NR6A1: variants seen among roughly 807,000 people sequenced by gnomAD.
NR6A1 encodes the protein retinoic acid receptor-related testis-associated receptor.
A neutral mutation model predicts 59.1 loss-of-function variants in NR6A1; 7 were observed. That is an observed-to-expected ratio of 0.12 (90% confidence interval 0.07 to 0.22). The LOEUF (loss-of-function observed/expected upper bound fraction) is 0.22. NR6A1 is among the 10% of genes least tolerant of loss of function. NR6A1 has a pLI of 1.00. For missense variants in NR6A1, 468 were observed against 611.6 expected, an observed-to-expected ratio of 0.77 and a Z score of 2.48; for synonymous variants, 243 against 236.1, an observed-to-expected ratio of 1.03 and a Z score of -0.27.
In NR6A1 at chr9:124,771,158, G is replaced by A; in HGVS notation, c.-39C>T. On this transcript the variant is annotated 5_prime_UTR_variant, in exon 1 of 10. Coordinates refer to ENST00000487099, the MANE Select transcript of NR6A1 (RefSeq NM_033334.4). ...GGGTCCGCGCCGGGTTTGTTGCTCC[G>A]CCATGACCGGCGCCCTAGTCGCCGT... is the stretch of plus-strand genomic sequence containing the variant. 9.1e-7 allele frequency: 1 copy of A among 1,103,478 alleles called. No homozygotes were observed. The highest frequency in any genetic ancestry group is 1.1e-6 in the Non-Finnish European group (1 of 870,592). 68.4% of individuals were successfully genotyped at this position (1,103,478 alleles called of 1,614,324 possible). A position where few individuals can be genotyped will look rare whatever the true frequency, so the allele number is the denominator to read the frequency against.
intron 2 of NR6A1, among the ~76,000 whole-genome samples, chr9:124,640,103 C>T (rs529742617): frequency 5.9e-5 from 9 of 152,236 alleles, no homozygotes; most frequent in South Asian, 2.1e-4. Flanking sequence ...ACATCCATGG[C>T]GTCCTAGGGT....
chr9:124,529,816 C>G (rs1833045496), intron 7 of NR6A1, among the ~76,000 whole-genome samples: 1 of 152,068 alleles, frequency 6.6e-6, no homozygotes, highest in African/African-American at 2.4e-5. Flanking sequence ...GAGTGAAGAC[C>G]ACTCCTCATC....
chr9:124,535,437 G>T (rs1201471275), intron 7 of NR6A1, among the ~76,000 whole-genome samples: 2 of 151,982 alleles, frequency 1.3e-5, no homozygotes, highest in African/African-American at 4.8e-5. Context: ...AATTAGCCAG[G>T]TGTGGTGGCA....
At chr9:124,551,047 C>CA (rs1010927854) in intron 3 of NR6A1, among the ~76,000 whole-genome samples, 15 of 152,104 alleles carry the variant, frequency 9.9e-5, no homozygotes, top group Admixed American at 3.9e-4. Flanking sequence ...TGCTTCCTTT[C>CA]TTTTTTTAGA....
intron 2 of NR6A1, among the ~76,000 whole-genome samples, chr9:124,557,575 C>T (rs946801447): frequency 6.6e-6 from 1 of 152,082 alleles, no homozygotes; most frequent in Non-Finnish European, 1.5e-5. Flanking sequence ...TTTTATTTTC[C>T]TTTTGAAAAC....
chr9:124,694,934 T>G (rs1838694801), intron 2 of NR6A1, among the ~76,000 whole-genome samples: 1 of 152,216 alleles, frequency 6.6e-6, no homozygotes, highest in East Asian at 1.9e-4. Context: ...TTCAAGCCAG[T>G]GTTTCCCAAA....
At chr9:124,765,407 T>C (rs1301441434) in intron 1 of NR6A1, among the ~76,000 whole-genome samples, 1 of 152,234 alleles carries the variant, frequency 6.6e-6, no homozygotes, top group Non-Finnish European at 1.5e-5. Context: ...CCAGGAATTT[T>C]CTATTTAGAC....
In NR6A1 at chr9:124,536,075, C is replaced by A; in HGVS notation, c.882G>T (p.Leu294=). 6 of 1,614,182 alleles carry A rather than the reference C, an allele frequency of 3.7e-6. No individual in the cohort carries two copies. Among genetic ancestry groups the A allele is most frequent in the Non-Finnish European group, 4.2e-6 (5 of 1,180,018 alleles). Residue 294 remains leucine (L), a synonymous_variant, in exon 7 of 10, where the codon CTG becomes CTT. Transcript: ENST00000487099. The part of the protein sequence containing the change: ...FALLCRLADE[L]LFRQIAWIKK... ...TGATCCAGGCAATCTGCCTAAAGAG[C>A]AGCTCGTCGGCCAGGCGGCAAAGCA...
At chr9:124,745,203 T>C (rs561977307) in intron 1 of NR6A1, among the ~76,000 whole-genome samples, 38 of 152,114 alleles carry the variant, frequency 2.5e-4, no homozygotes, top group African/African-American at 8.7e-4. Flanking sequence ...AAAAATACAA[T>C]GTAAAACTGT....
Position 124,517,750 on chromosome 9 carries a change from A to G in NR6A1, c.*4955T>C, listed in dbSNP as rs1310088040. The G allele has an allele frequency of 2.6e-5, 4 of 152,100 alleles. No individual in the cohort carries two copies. Among genetic ancestry groups the G allele is most frequent in the African/African-American group, 9.7e-5 (4 of 41,372 alleles). 9.4% of individuals were successfully genotyped at this position (152,100 alleles called of 1,614,324 possible). On this transcript the variant is annotated 3_prime_UTR_variant, in exon 10 of 10. Transcript: ENST00000487099. ...TCCCTGGCTGGGTAGGTGGGAAGGAATCCCCAGACACAGCCCAGACATCAC... is the reference window on the plus strand; with the variant it reads ...TCCCTGGCTGGGTAGGTGGGAAGGAGTCCCCAGACACAGCCCAGACATCAC...
At chr9:124,613,027 T>C (rs943168835) in intron 2 of NR6A1, among the ~76,000 whole-genome samples, 28 of 152,166 alleles carry the variant, frequency 1.8e-4, no homozygotes, top group Non-Finnish European at 2.1e-4. Context: ...GTACTGTATA[T>C]AGTAGCTAAA....
At chr9:124,648,766 AT>A (rs1340441117) in intron 2 of NR6A1, among the ~76,000 whole-genome samples, 13 of 152,178 alleles carry the variant, frequency 8.5e-5, no homozygotes, top group African/African-American at 3.1e-4. Flanking sequence ...AGGATACAAA[AT>A]CAACATACAA....
intron 9 of NR6A1, among the ~76,000 whole-genome samples, chr9:124,523,952 G>A (rs948312731): frequency 6.6e-6 from 1 of 152,060 alleles, no homozygotes; most frequent in Non-Finnish European, 1.5e-5. Context: ...TTTACCACAT[G>A]AAGCAAGGCA....
intron 2 of NR6A1, among the ~76,000 whole-genome samples, chr9:124,662,816 G>A (rs1837486811): frequency 6.6e-6 from 1 of 152,140 alleles, no homozygotes; most frequent in Non-Finnish European, 1.5e-5. Context: ...ATGTTCTCTT[G>A]TGTTCAGTCT....
chr9:124,661,146 A>C (rs1253020241), intron 2 of NR6A1, among the ~76,000 whole-genome samples: 1 of 152,208 alleles, frequency 6.6e-6, no homozygotes, highest in Non-Finnish European at 1.5e-5. Context: ...AAAGAATTAA[A>C]ATCAAAGCCC....
chr9:124,704,437 G>T (rs1046113439), intron 2 of NR6A1, among the ~76,000 whole-genome samples: 4 of 152,024 alleles, frequency 2.6e-5, no homozygotes, highest in African/African-American at 9.7e-5. Context: ...CAGAGACAGG[G>T]TCTCACTCTG....
chr9:124,669,885 C>T (rs1253628979), intron 2 of NR6A1, among the ~76,000 whole-genome samples: 1 of 152,150 alleles, frequency 6.6e-6, no homozygotes, highest in Non-Finnish European at 1.5e-5. Flanking sequence ...GGGTGAGCCA[C>T]CGTGCCCAGC....
chr9:124,650,666 A>T (rs1837072993), intron 2 of NR6A1, among the ~76,000 whole-genome samples: 1 of 152,220 alleles, frequency 6.6e-6, no homozygotes, highest in South Asian at 2.1e-4. Flanking sequence ...ATCATTACAC[A>T]TTGTATGCAT....
intron 2 of NR6A1, among the ~76,000 whole-genome samples, chr9:124,687,666 T>C (rs1043604702): frequency 2.0e-5 from 3 of 152,224 alleles, no homozygotes; most frequent in African/African-American, 7.2e-5. Context: ...GGCTCCTTTA[T>C]GACCAGTACC....
Sources: allele counts gnomAD v4.1 joint callset (sites outside exome capture counted in the v4.1 genomes callset), GRCh38; gene constraint gnomAD v4.1.1; transcripts MANE v1.5; gene names NCBI Gene and HGNC (gene_info 2026-07-23, HGNC 2026-07-21).